FER: variants seen among roughly 807,000 people sequenced by gnomAD.
The protein encoded by FER is tyrosine-protein kinase Fer.
FER carries 63 observed loss-of-function variants against 111.0 expected under a neutral mutation model. The observed-to-expected ratio is 0.57, with a 90% CI of 0.46 to 0.70. The LOEUF (loss-of-function observed/expected upper bound fraction) is 0.70, where lower values mean the gene tolerates loss of function less well. FER is among the 30% of genes least tolerant of loss of function. The probability of loss-of-function intolerance (pLI) is 0.00; values close to 1 mark genes in which losing one functional copy is unlikely to be tolerated. For missense variants in FER, 914 were observed against 954.0 expected, an observed-to-expected ratio of 0.96 and a Z score of 0.55; for synonymous variants, 327 against 313.9, an observed-to-expected ratio of 1.04 and a Z score of -0.44.
At chr5:108,813,411 G>C (rs1757964813) in intron 3 of FER, among the ~76,000 whole-genome samples, 1 of 151,926 alleles carries the variant, frequency 6.6e-6, no homozygotes, top group African/African-American at 2.4e-5. Context: ...TAAACCCATG[G>C]GCTACTACAG....
At chr5:108,909,669 G>GA (rs796244993) in intron 10 of FER, among the ~76,000 whole-genome samples, 31 of 151,394 alleles carry the variant, frequency 2.0e-4, no homozygotes, top group African/African-American at 7.3e-4. Flanking sequence ...GGTGATGTTA[G>GA]AAAAAAAACA....
At chr5:109,036,482 G>A (rs1446997639) in intron 13 of FER, among the ~76,000 whole-genome samples, 1 of 151,984 alleles carries the variant, frequency 6.6e-6, no homozygotes, top group African/African-American at 2.4e-5. Flanking sequence ...CTGATTACTT[G>A]TTACAACTCA....
At chr5:108,904,503 T>C (rs1750472624) in intron 10 of FER, among the ~76,000 whole-genome samples, 1 of 152,026 alleles carries the variant, frequency 6.6e-6, no homozygotes, top group African/African-American at 2.4e-5. Flanking sequence ...TAATAGGAGA[T>C]AGGGTCTGAG....
chr5:109,162,177 T>A (rs757075699), intron 17 of FER, among the ~76,000 whole-genome samples: 1 of 151,814 alleles, frequency 6.6e-6, no homozygotes, highest in African/African-American at 2.4e-5. Flanking sequence ...TCTCAAGTCA[T>A]TTTTGTACTG....
intron 17 of FER, among the ~76,000 whole-genome samples, chr5:109,114,850 C>T (rs939318032): frequency 6.6e-6 from 1 of 152,024 alleles, no homozygotes; most frequent in Non-Finnish European, 1.5e-5. Flanking sequence ...TCATCAGCTT[C>T]CCCTCATTCT....
intron 17 of FER, among the ~76,000 whole-genome samples, chr5:109,170,810 C>G (rs1757023030): frequency 6.6e-6 from 1 of 152,166 alleles, no homozygotes; most frequent in Admixed American, 6.6e-5. Flanking sequence ...CTGACACCCA[C>G]TGTTGTATTG....
At chr5:109,079,065 G>C (rs1162646230) in intron 16 of FER, among the ~76,000 whole-genome samples, 2 of 152,098 alleles carry the variant, frequency 1.3e-5, no homozygotes, top group African/African-American at 4.8e-5. Context: ...GATTGAGTGA[G>C]TTATGGGAGA....
chr5:109,037,576 C>G, intron 14 of FER, 98 bp downstream of exon 14: 1 of 888,134 alleles, frequency 1.1e-6, no homozygotes. Context: ...TATATTGCCA[C>G]AAGGCACATT....
At chr5:108,982,873 A>G (rs1762159104) in intron 13 of FER, among the ~76,000 whole-genome samples, 1 of 151,984 alleles carries the variant, frequency 6.6e-6, no homozygotes, top group Non-Finnish European at 1.5e-5. Context: ...GCATTTACCT[A>G]CTTAAGCCTC....
chr5:109,066,607 G>A (rs1338885731), intron 16 of FER, among the ~76,000 whole-genome samples: 3 of 151,684 alleles, frequency 2.0e-5, no homozygotes, highest in African/African-American at 4.8e-5. Context: ...GAGATGCAAC[G>A]ATTAATTTAT....
intron 10 of FER, chr5:108,924,524 A>G: frequency 9.6e-7 from 1 of 1,042,154 alleles, no homozygotes; most frequent in Non-Finnish European, 1.2e-6. Context: ...CTTCCATGCC[A>G]ACAGGGGGAG....
chr5:109,068,787 A>G (rs1038611344), intron 16 of FER, among the ~76,000 whole-genome samples: 7 of 152,234 alleles, frequency 4.6e-5, no homozygotes, highest in Non-Finnish European at 8.8e-5. Context: ...TTCTTAACTC[A>G]TTCTGAGTTC....
intron 13 of FER, among the ~76,000 whole-genome samples, chr5:108,968,057 C>G (rs1346216246): frequency 6.6e-6 from 1 of 152,076 alleles, no homozygotes; most frequent in Non-Finnish European, 1.5e-5. Flanking sequence ...ATCAGAGAAA[C>G]AAGCTGCAAT....
At chr5:108,754,406 CAA>C (rs34475850) in intron 1 of FER, among the ~76,000 whole-genome samples, 14,721 of 85,770 alleles carry the variant, frequency 0.17, 561 homozygotes, top group African/African-American at 0.21. Flanking sequence ...GTCCCTGTCT[CAA>C]AAAAAAAAAA....
chr5:109,099,253 A>G (rs75093465), intron 16 of FER, among the ~76,000 whole-genome samples: 8 of 151,740 alleles, frequency 5.3e-5, no homozygotes, highest in South Asian at 4.1e-4. Context: ...AGTGAATGCA[A>G]AGTTTATGGT....
At chr5:108,978,476 T>A (rs1362990142) in intron 13 of FER, among the ~76,000 whole-genome samples, 1 of 152,220 alleles carries the variant, frequency 6.6e-6, no homozygotes, top group African/African-American at 2.4e-5. Context: ...CTGTTTAAAG[T>A]CTTTCTTAAC....
chr5:108,873,601 T>C (rs940311755), intron 8 of FER, among the ~76,000 whole-genome samples: 1 of 152,208 alleles, frequency 6.6e-6, no homozygotes, highest in Non-Finnish European at 1.5e-5. Flanking sequence ...TTACAGAGTT[T>C]TTCCTAGCAG....
intron 17 of FER, among the ~76,000 whole-genome samples, chr5:109,126,135 T>C (rs1299626993): frequency 1.3e-5 from 2 of 152,220 alleles, no homozygotes; most frequent in South Asian, 2.1e-4. Flanking sequence ...GAAATAATTG[T>C]AGTTCTTAGC....
intron 17 of FER, among the ~76,000 whole-genome samples, chr5:109,122,201 C>G (rs1310712095): frequency 1.3e-5 from 2 of 151,918 alleles, no homozygotes; most frequent in South Asian, 4.2e-4. Context: ...TGATATAGGC[C>G]CTTACAGCTC....
Sources: allele counts gnomAD v4.1 joint callset (sites outside exome capture counted in the v4.1 genomes callset), GRCh38; gene constraint gnomAD v4.1.1; transcripts MANE v1.5; gene names NCBI Gene and HGNC (gene_info 2026-07-23, HGNC 2026-07-21).